Variants in PHACTR1 observed in about 807,000 individuals in gnomAD.
PHACTR1 encodes the protein phosphatase and actin regulator 1.
PHACTR1 carries 16 observed loss-of-function variants against 69.2 expected under a neutral mutation model. The observed-to-expected ratio is 0.23, with a 90% CI of 0.16 to 0.35. The LOEUF (loss-of-function observed/expected upper bound fraction) is 0.35, where lower values mean the gene tolerates loss of function less well. Ranked by LOEUF, PHACTR1 falls within the 10% of genes least tolerant of loss-of-function variation. The probability of loss-of-function intolerance (pLI) is 1.00; values close to 1 mark genes in which losing one functional copy is unlikely to be tolerated. For missense variants in PHACTR1, 510 were observed against 734.7 expected, an observed-to-expected ratio of 0.69 and a Z score of 3.54; for synonymous variants, 312 against 284.5, an observed-to-expected ratio of 1.10 and a Z score of -0.97.
chr6:12,832,283 T>A (rs948395289), intron 4 of PHACTR1, among the ~76,000 whole-genome samples: 1 of 152,106 alleles, frequency 6.6e-6, no homozygotes, highest in Non-Finnish European at 1.5e-5. Flanking sequence ...GGAAAGAACA[T>A]CTTATGTTAG....
At chr6:13,005,118 C>A (rs1359322450) in intron 4 of PHACTR1, among the ~76,000 whole-genome samples, 4 of 151,820 alleles carry the variant, frequency 2.6e-5, no homozygotes, top group Admixed American at 6.6e-5. Flanking sequence ...TTCTTCCCTG[C>A]TAGTGGTCTT....
intron 3 of PHACTR1, among the ~76,000 whole-genome samples, chr6:12,740,741 G>T (rs1048553169): frequency 1.3e-5 from 2 of 151,178 alleles, no homozygotes; most frequent in Admixed American, 1.3e-4. Flanking sequence ...TTTTTTTTAA[G>T]TAGGCATGTA....
chr6:13,036,204 A>G (rs1803284528), intron 4 of PHACTR1, among the ~76,000 whole-genome samples: 2 of 152,130 alleles, frequency 1.3e-5, no homozygotes, highest in South Asian at 4.1e-4. Flanking sequence ...TTTATCACCC[A>G]AATAGAACCA....
chr6:13,175,188 C>G (rs951887538), intron 6 of PHACTR1, among the ~76,000 whole-genome samples: 10 of 152,182 alleles, frequency 6.6e-5, no homozygotes, highest in African/African-American at 2.4e-4. Flanking sequence ...CTTTCTAGTT[C>G]TTGCTGTAAT....
chr6:12,989,860 C>G (rs1353102797), intron 4 of PHACTR1, among the ~76,000 whole-genome samples: 1 of 152,224 alleles, frequency 6.6e-6, no homozygotes, highest in Non-Finnish European at 1.5e-5. Flanking sequence ...TGTGCTCAAA[C>G]AGCATATCTT....
chr6:12,860,035 G>T (rs1294453923), intron 4 of PHACTR1, among the ~76,000 whole-genome samples: 4 of 151,524 alleles, frequency 2.6e-5, no homozygotes, highest in Non-Finnish European at 5.9e-5. Flanking sequence ...TAAGTTCTGG[G>T]ATACATGTGC....
chr6:13,208,320 T>C (rs762340908), intron 8 of PHACTR1, among the ~76,000 whole-genome samples: 1 of 152,198 alleles, frequency 6.6e-6, no homozygotes, highest in Non-Finnish European at 1.5e-5. Flanking sequence ...TGAGAACAAG[T>C]TTTAGATACT....
At chr6:13,013,709 A>AGCGAGGTCG (rs1195351380) in intron 4 of PHACTR1, among the ~76,000 whole-genome samples, 1 of 151,476 alleles carries the variant, frequency 6.6e-6, no homozygotes, top group East Asian at 2.0e-4. Context: ...TGGCTGGGGC[A>AGCGAGGTCG]GCGAGGTCGG....
intron 4 of PHACTR1, among the ~76,000 whole-genome samples, chr6:12,946,609 A>T (rs1790695658): frequency 1.3e-5 from 2 of 152,170 alleles, no homozygotes; most frequent in African/African-American, 4.8e-5. Flanking sequence ...TTGAGAGAGA[A>T]CTCAACATTT....
At chr6:12,879,848 G>A (rs1782909045) in intron 4 of PHACTR1, among the ~76,000 whole-genome samples, 1 of 152,154 alleles carries the variant, frequency 6.6e-6, no homozygotes, top group African/African-American at 2.4e-5. Flanking sequence ...AACAAGGGAT[G>A]AATCAGATCC....
At chr6:13,223,127 A>G (rs1768946793) in intron 8 of PHACTR1, among the ~76,000 whole-genome samples, 1 of 152,218 alleles carries the variant, frequency 6.6e-6, no homozygotes, top group Non-Finnish European at 1.5e-5. Context: ...TGAGGTTACA[A>G]TAGTGTTTAA....
rs534305011 is a variant in PHACTR1, at chr6:12,743,406, A to G, written c.104-6238A>G. Among the ~76,000 whole-genome samples, 9 of 152,296 alleles carry G rather than the reference A, an allele frequency of 5.9e-5. No individual in the cohort carries two copies. In the South Asian group the frequency reaches 1.7e-3, roughly 28 times the overall value. On this transcript the variant is annotated intron_variant, in intron 3 of 14. Transcript: ENST00000332995. ...TGCAGCAAGAATAATTACCTTTCAC[A>G]TAGGCTTTTAAATTGGCTTTGATGG... is the stretch of plus-strand genomic sequence containing the variant.
At chr6:13,176,939 A>G (rs1761399176) in intron 6 of PHACTR1, among the ~76,000 whole-genome samples, 1 of 152,106 alleles carries the variant, frequency 6.6e-6, no homozygotes, top group African/African-American at 2.4e-5. Context: ...GCTTACATTT[A>G]TTAATGTACT....
At chr6:12,897,084 T>G (rs1168048386) in intron 4 of PHACTR1, among the ~76,000 whole-genome samples, 3 of 152,168 alleles carry the variant, frequency 2.0e-5, no homozygotes, top group African/African-American at 4.8e-5. Context: ...GCAGGGATGA[T>G]CACACACATC....
intron 5 of PHACTR1, among the ~76,000 whole-genome samples, chr6:13,116,078 T>C (rs1817776630): frequency 6.6e-6 from 1 of 152,186 alleles, no homozygotes; most frequent in African/African-American, 2.4e-5. Context: ...CCCAAAATTA[T>C]ACTGGAACTA....
intron 5 of PHACTR1, among the ~76,000 whole-genome samples, chr6:13,074,344 A>T (rs960855806): frequency 2.0e-5 from 3 of 152,242 alleles, no homozygotes; most frequent in African/African-American, 7.2e-5. Context: ...TTTGGCAAAG[A>T]TAAGAAATCG....
intron 5 of PHACTR1, among the ~76,000 whole-genome samples, chr6:13,124,866 T>A (rs1819284615): frequency 6.6e-6 from 1 of 152,206 alleles, no homozygotes; most frequent in African/African-American, 2.4e-5. Flanking sequence ...TGTCTTTTCT[T>A]ATAATCCCAT....
At chr6:12,829,800 C>CAA (rs35717093) in intron 4 of PHACTR1, among the ~76,000 whole-genome samples, 6 of 138,522 alleles carry the variant, frequency 4.3e-5, no homozygotes, top group African/African-American at 8.0e-5. Context: ...ACTAAAAATA[C>CAA]AAAAAAAAAA....
chr6:12,857,836 G>A (rs1780553471), intron 4 of PHACTR1, among the ~76,000 whole-genome samples: 1 of 152,134 alleles, frequency 6.6e-6, no homozygotes, highest in South Asian at 2.1e-4. Context: ...CAATCGCCTG[G>A]CTTCAACCAA....
Sources: gnomAD v4.1 joint callset for allele counts (sites outside exome capture counted in the v4.1 genomes callset) on GRCh38, gnomAD v4.1.1 for gene constraint, MANE v1.5 for transcripts, NCBI Gene and HGNC (gene_info 2026-07-23, HGNC 2026-07-21) for gene names.